Variants in RALYL observed in about 807,000 individuals in gnomAD.
RALYL encodes RNA-binding Raly-like protein.
A neutral mutation model predicts 35.1 loss-of-function variants in RALYL; 29 were observed. That is an observed-to-expected ratio of 0.83 (90% CI 0.61 to 1.13). RALYL has a LOEUF of 1.13. RALYL is among the 50% of genes most tolerant of loss of function. The probability of loss-of-function intolerance (pLI) is 0.00; values close to 1 mark genes in which losing one functional copy is unlikely to be tolerated. For missense variants in RALYL, 359 were observed against 360.4 expected (o/e 1.00, Z 0.03); for synonymous variants, 120 against 127.6 (o/e 0.94, Z 0.40).
intron 1 of RALYL, among the ~76,000 whole-genome samples, chr8:84,238,665 G>A: frequency 6.6e-6 from 1 of 152,140 alleles, no homozygotes. Context: ...GGGGAAGATA[G>A]GAAAAGTGAT....
At chr8:84,547,580 C>T (rs1262460876) in intron 2 of RALYL, among the ~76,000 whole-genome samples, 1 of 152,074 alleles carries the variant, frequency 6.6e-6, no homozygotes, top group Non-Finnish European at 1.5e-5. Context: ...AGGGTTTCAT[C>T]ATGTTGGCCA....
intron 1 of RALYL, among the ~76,000 whole-genome samples, chr8:84,497,045 C>T (rs1319013326): frequency 1.3e-5 from 2 of 152,068 alleles, no homozygotes; most frequent in African/African-American, 4.8e-5. Context: ...TAATGCAAAA[C>T]TCTAAAACCA....
At chr8:84,690,732 CA>C (rs1243750042) in intron 2 of RALYL, among the ~76,000 whole-genome samples, 1 of 151,918 alleles carries the variant, frequency 6.6e-6, no homozygotes, top group Non-Finnish European at 1.5e-5. Context: ...AACTGTTTCT[CA>C]CATGCATATA....
At chr8:84,781,536 A>C (rs1047836780) in intron 3 of RALYL, among the ~76,000 whole-genome samples, 1 of 152,216 alleles carries the variant, frequency 6.6e-6, no homozygotes, top group African/African-American at 2.4e-5. Flanking sequence ...CAGAGAATCC[A>C]TCTCTAAGAC....
chr8:84,247,996 A>G (rs1829446855), intron 1 of RALYL, among the ~76,000 whole-genome samples: 1 of 152,172 alleles, frequency 6.6e-6, no homozygotes, highest in Non-Finnish European at 1.5e-5. Context: ...CAAGATATAA[A>G]CAGTTTTTGT....
intron 2 of RALYL, among the ~76,000 whole-genome samples, chr8:84,621,047 G>C (rs1034425648): frequency 9.2e-5 from 14 of 152,334 alleles, no homozygotes; most frequent in Admixed American, 7.2e-4. Context: ...CTGTCTTTTT[G>C]TTTGTGCCCT....
intron 2 of RALYL, among the ~76,000 whole-genome samples, chr8:84,666,361 C>T (rs1026967590): frequency 1.3e-5 from 2 of 151,950 alleles, no homozygotes. Flanking sequence ...CATGTGCACA[C>T]ACATGTATAC....
chr8:84,704,183 G>T (rs920914062), intron 2 of RALYL, among the ~76,000 whole-genome samples: 14 of 152,106 alleles, frequency 9.2e-5, no homozygotes, highest in Middle Eastern at 3.2e-3. Flanking sequence ...CCAGCACTTT[G>T]GGAGGCCAAG....
In RALYL at chr8:84,490,197, A is replaced by G. The variant is rs959936680; in HGVS notation, c.-23-39102A>G. Among the ~76,000 whole-genome samples the G allele has an allele frequency of 2.0e-4, 30 of 151,728 alleles. 1 individual carries two copies. Among genetic ancestry groups the G allele is most frequent in the Admixed American group, 1.5e-3 (22 of 15,148 alleles). Reference sequence around the variant, plus strand: ...GAGCTTTGGCAAAATTTATTAATTTATGAGGATTTTGAGCCTTTCATCTCA... The same window carrying G: ...GAGCTTTGGCAAAATTTATTAATTTGTGAGGATTTTGAGCCTTTCATCTCA... On this transcript the variant is annotated intron_variant, in intron 1 of 8. Coordinates refer to ENST00000521268, the MANE Select transcript of RALYL (RefSeq NM_173848.7).
At chr8:84,635,767 G>A (rs1429902805) in intron 2 of RALYL, among the ~76,000 whole-genome samples, 1 of 151,710 alleles carries the variant, frequency 6.6e-6, no homozygotes. Flanking sequence ...TTAGCATGGT[G>A]CGCAGAATGG....
rs1051569892 is a variant in RALYL, at chr8:84,210,283, C to T, written c.-24+25859C>T. Among the ~76,000 whole-genome samples the T allele has an allele frequency of 4.6e-5, 7 of 151,330 alleles. No homozygotes were observed. The South Asian group carries it at 6.3e-4, about 14-fold the overall frequency. On this transcript the variant is annotated intron_variant, in intron 1 of 8. Coordinates refer to ENST00000521268, the MANE Select transcript of RALYL (RefSeq NM_173848.7). ...TTCAAATTATTTAAATTAATTTTACCGAGCCTCTGTATTGACAGCTGATAA... is the reference window on the plus strand; with the variant it reads ...TTCAAATTATTTAAATTAATTTTACTGAGCCTCTGTATTGACAGCTGATAA...
At chr8:84,377,463 T>TTGTTTGTTTGTTTGTTTG (rs1563816414) in intron 1 of RALYL, among the ~76,000 whole-genome samples, 188 of 145,552 alleles carry the variant, frequency 1.3e-3, no homozygotes, top group African/African-American at 4.8e-3. Flanking sequence ...TTTTTTTTTT[T>TTGTTTGTTTGTTTGTTTG]TTTTTTTTTT....
chr8:84,231,463 AT>A (rs1281689653), intron 1 of RALYL, among the ~76,000 whole-genome samples: 1 of 152,202 alleles, frequency 6.6e-6, no homozygotes, highest in African/African-American at 2.4e-5. Context: ...TACTGAAAAA[AT>A]GGCCATGTTT....
At chr8:84,496,691 T>C (rs191932456) in intron 1 of RALYL, among the ~76,000 whole-genome samples, 24 of 152,286 alleles carry the variant, frequency 1.6e-4, no homozygotes, top group African/African-American at 5.5e-4. Context: ...TATATCTGTA[T>C]CTATCATCTA....
chr8:84,242,004 C>A (rs1337316378), intron 1 of RALYL, among the ~76,000 whole-genome samples: 1 of 152,082 alleles, frequency 6.6e-6, no homozygotes, highest in Non-Finnish European at 1.5e-5. Flanking sequence ...CTCCTTCCTC[C>A]CTCCCACACC....
chr8:84,270,121 C>T (rs28451377), intron 1 of RALYL, among the ~76,000 whole-genome samples: 2,593 of 152,158 alleles, frequency 0.017, 66 homozygotes, highest in African/African-American at 0.058. Flanking sequence ...TCACCAGCAA[C>T]GGATTAAGTC....
chr8:84,495,752 T>C (rs1409463344), intron 1 of RALYL, among the ~76,000 whole-genome samples: 1 of 152,150 alleles, frequency 6.6e-6, no homozygotes, highest in Non-Finnish European at 1.5e-5. Flanking sequence ...ATATTTTCTT[T>C]TCTGCTTATT....
rs148315362 is a variant in RALYL at position 84,447,509 on chromosome 8, G to A, written c.-23-81790G>A. ...CCCTTTAACCTCTACCTTATCCTAG[G>A]CCTGATTTGTTTGAGAGAGTAAATC... On this transcript the variant is annotated intron_variant, in intron 1 of 8. Coordinates refer to ENST00000521268, the MANE Select transcript of RALYL (RefSeq NM_173848.7). Among the ~76,000 whole-genome samples the A allele has an allele frequency of 5.3e-3, 804 of 152,032 alleles. 9 individuals carry two copies. The highest frequency in any genetic ancestry group is 0.018 in the African/African-American group (756 of 41,482).
At chr8:84,467,699 G>T (rs1367518039) in intron 1 of RALYL, among the ~76,000 whole-genome samples, 2 of 151,528 alleles carry the variant, frequency 1.3e-5, no homozygotes, top group East Asian at 1.9e-4. Flanking sequence ...GGGTATCCTT[G>T]TTGACTTTCT....
Sources: gnomAD v4.1 joint callset for allele counts (sites outside exome capture counted in the v4.1 genomes callset) on GRCh38, gnomAD v4.1.1 for gene constraint, MANE v1.5 for transcripts, NCBI Gene and HGNC (gene_info 2026-07-23, HGNC 2026-07-21) for gene names.